NPAS3: variants seen among roughly 807,000 people sequenced by gnomAD.
NPAS3 encodes the protein neuronal PAS domain-containing protein 3.
A neutral mutation model predicts 73.1 loss-of-function variants in NPAS3; 14 were observed. The ratio of observed to expected loss-of-function variants is 0.19; its 90% CI spans 0.13 to 0.30. The LOEUF (loss-of-function observed/expected upper bound fraction) is 0.30, where lower values mean the gene tolerates loss of function less well. Among genes scored for constraint, NPAS3 ranks in the 10% least tolerant of loss-of-function variants. NPAS3 has a pLI of 1.00. For synonymous variants in NPAS3, 620 were observed against 541.5 expected, an observed-to-expected ratio of 1.14 and a Z score of -2.01; for missense variants, 1,096 against 1,250.0, an observed-to-expected ratio of 0.88 and a Z score of 1.86.
At chr14:33,735,189 G>A (rs777536559) in intron 6 of NPAS3, 25 bp from the exon 7 acceptor site, 15 of 1,518,468 alleles carry the variant, frequency 9.9e-6, no homozygotes, top group Non-Finnish European at 1.2e-5. Context: ...TAAATCGTGT[G>A]TGTCTGTATT....
intron 2 of NPAS3, among the ~76,000 whole-genome samples, chr14:33,113,127 T>C (rs931130708): frequency 1.3e-5 from 2 of 152,196 alleles, no homozygotes; most frequent in Non-Finnish European, 2.9e-5. Context: ...TTCTTTTGGC[T>C]TAGGATTGAC....
At chr14:33,786,906 A>G (rs1188323452) in intron 9 of NPAS3, among the ~76,000 whole-genome samples, 1 of 152,044 alleles carries the variant, frequency 6.6e-6, no homozygotes, top group Non-Finnish European at 1.5e-5. Flanking sequence ...ACACTCTGAT[A>G]TCCCCCAGTG....
intron 4 of NPAS3, among the ~76,000 whole-genome samples, chr14:33,512,491 A>G (rs1041510505): frequency 2.0e-5 from 3 of 152,090 alleles, no homozygotes; most frequent in Non-Finnish European, 2.9e-5. Context: ...AATATCTTAT[A>G]AATGACTCAA....
At chr14:33,491,083 TA>T (rs2051872182) in intron 4 of NPAS3, among the ~76,000 whole-genome samples, 2 of 152,148 alleles carry the variant, frequency 1.3e-5, no homozygotes, top group Non-Finnish European at 2.9e-5. Context: ...ATTTGAAACA[TA>T]AACAATTTAG....
chr14:33,186,894 G>C (rs1463233439), intron 2 of NPAS3, among the ~76,000 whole-genome samples: 2 of 152,130 alleles, frequency 1.3e-5, no homozygotes, highest in Non-Finnish European at 2.9e-5. Flanking sequence ...CTGGGGAATT[G>C]CTACTGGCAT....
chr14:33,446,827 C>T (rs2049531006), intron 4 of NPAS3, among the ~76,000 whole-genome samples: 1 of 152,308 alleles, frequency 6.6e-6, no homozygotes, highest in African/African-American at 2.4e-5. Context: ...CTGACCAATG[C>T]TGCAAAATGA....
intron 3 of NPAS3, among the ~76,000 whole-genome samples, chr14:33,338,261 G>T (rs2044317120): frequency 6.6e-6 from 1 of 151,970 alleles, no homozygotes; most frequent in Admixed American, 6.6e-5. Context: ...AAGCCTCTTT[G>T]CTTTCTTCCT....
At chr14:32,988,849 A>T (rs543705311) in intron 1 of NPAS3, among the ~76,000 whole-genome samples, 1 of 152,206 alleles carries the variant, frequency 6.6e-6, no homozygotes, top group African/African-American at 2.4e-5. Context: ...TTTATTCTAT[A>T]TCTCCAATTA....
chr14:33,654,608 C>T (rs2059091294), intron 5 of NPAS3, among the ~76,000 whole-genome samples: 1 of 152,138 alleles, frequency 6.6e-6, no homozygotes, highest in African/African-American at 2.4e-5. Context: ...TTAGACATTA[C>T]CTTTGTCTTT....
At chr14:33,735,362 C>A in intron 7 of NPAS3, 30 bp downstream of exon 7, 2 of 1,428,044 alleles carry the variant, frequency 1.4e-6, no homozygotes, top group Non-Finnish European at 9.9e-7. Context: ...GGAGACATTG[C>A]TGTCTCAGGC....
At chr14:33,569,505 G>A (rs2056111330) in intron 5 of NPAS3, among the ~76,000 whole-genome samples, 1 of 152,056 alleles carries the variant, frequency 6.6e-6, no homozygotes, top group Admixed American at 6.6e-5. Flanking sequence ...TCTAGGTTTT[G>A]GAGAAGCAAG....
chr14:33,763,792 C>A (rs2062372357), intron 7 of NPAS3, among the ~76,000 whole-genome samples: 1 of 150,842 alleles, frequency 6.6e-6, no homozygotes, highest in Non-Finnish European at 1.5e-5. Flanking sequence ...GGGAATTGAT[C>A]ATTTTTAGGT....
chr14:33,434,883 A>T (rs1458519862), intron 4 of NPAS3, among the ~76,000 whole-genome samples: 2 of 152,198 alleles, frequency 1.3e-5, no homozygotes, highest in Admixed American at 1.3e-4. Context: ...TTGCACTGGG[A>T]GGAAAATTGT....
intron 7 of NPAS3, among the ~76,000 whole-genome samples, chr14:33,749,738 C>T (rs963373973): frequency 8.5e-5 from 13 of 152,164 alleles, no homozygotes; most frequent in Admixed American, 6.5e-4. Context: ...TCATGCACTC[C>T]GAGAACCCTG....
chr14:33,561,629 A>C (rs1190892249), intron 5 of NPAS3, among the ~76,000 whole-genome samples: 1 of 152,198 alleles, frequency 6.6e-6, no homozygotes, highest in East Asian at 1.9e-4. Flanking sequence ...AGTATTGAGA[A>C]TCTTCAATTT....
intron 5 of NPAS3, among the ~76,000 whole-genome samples, chr14:33,661,740 T>C (rs980236246): frequency 6.6e-6 from 1 of 152,112 alleles, no homozygotes; most frequent in Non-Finnish European, 1.5e-5. Flanking sequence ...GATATGTCTA[T>C]ATTATTACAT....
At chr14:33,612,573 A>G (rs2057111075) in intron 5 of NPAS3, 5 of 449,710 alleles carry the variant, frequency 1.1e-5, no homozygotes, top group Non-Finnish European at 1.8e-5. Context: ...TAAACTCTGT[A>G]TACTTGCTTT....
intron 5 of NPAS3, among the ~76,000 whole-genome samples, chr14:33,572,572 G>A (rs58281377): frequency 0.16 from 24,549 of 152,064 alleles, 2,191 homozygotes; most frequent in East Asian, 0.33. Flanking sequence ...CAGAACTAGC[G>A]TTTAAACCCA....
chr14:32,945,395 G>A (rs1393610627), intron 1 of NPAS3, among the ~76,000 whole-genome samples: 1 of 152,142 alleles, frequency 6.6e-6, no homozygotes, highest in African/African-American at 2.4e-5. Context: ...ATTGGACACT[G>A]CCATGTTTCA....
Sources: gnomAD v4.1 joint callset for allele counts (sites outside exome capture counted in the v4.1 genomes callset) on GRCh38, gnomAD v4.1.1 for gene constraint, MANE v1.5 for transcripts, NCBI Gene and HGNC (gene_info 2026-07-23, HGNC 2026-07-21) for gene names.